Variants in ATP9B observed in about 807,000 individuals in gnomAD.
ATP9B encodes the protein ATPase phospholipid transporting 9B.
In ATP9B, 110 loss-of-function variants were observed where a neutral mutation model predicts 146.1. That is an observed-to-expected ratio of 0.75 (90% confidence interval 0.65 to 0.88). ATP9B has a LOEUF of 0.88. Among genes scored for constraint, ATP9B ranks in the 40% least tolerant of loss-of-function variants. The probability of loss-of-function intolerance (pLI) is 0.00; values close to 1 mark genes in which losing one functional copy is unlikely to be tolerated. For synonymous variants in ATP9B, 604 were observed against 569.7 expected, an observed-to-expected ratio of 1.06 and a Z score of -0.86; for missense variants, 1,499 against 1,496.4, an observed-to-expected ratio of 1.00 and a Z score of -0.03.
chr18:79,084,070 G>T (rs1465015448), intron 1 of ATP9B, among the ~76,000 whole-genome samples: 1 of 151,712 alleles, frequency 6.6e-6, no homozygotes, highest in African/African-American at 2.4e-5. Flanking sequence ...TGTTGGCCAG[G>T]ATGGTCTTGA....
intron 15 of ATP9B, among the ~76,000 whole-genome samples, chr18:79,328,830 C>T (rs1048851630): frequency 1.3e-5 from 2 of 152,098 alleles, no homozygotes; most frequent in African/African-American, 4.8e-5. Flanking sequence ...GGGTGAGCTG[C>T]GTTCTCAATT....
intron 11 of ATP9B, among the ~76,000 whole-genome samples, chr18:79,242,400 C>T (rs113753810): frequency 3.3e-5 from 5 of 152,164 alleles, no homozygotes; most frequent in African/African-American, 9.7e-5. Flanking sequence ...TAACCGCAAA[C>T]GAGAAAGATG....
intron 4 of ATP9B, among the ~76,000 whole-genome samples, chr18:79,118,081 C>A (rs1284398065): frequency 1.3e-5 from 2 of 152,074 alleles, no homozygotes; most frequent in African/African-American, 4.8e-5. Flanking sequence ...TATAAATATA[C>A]CACAACTGAT....
intron 9 of ATP9B, among the ~76,000 whole-genome samples, 189 bp from the exon 10 acceptor site, chr18:79,206,748 A>G (rs1269322353): frequency 6.6e-6 from 1 of 152,246 alleles, no homozygotes; most frequent in African/African-American, 2.4e-5. Context: ...AATTGATTAC[A>G]GGAGTTCTTT....
At chr18:79,370,301 AT>A (rs1201671021) in intron 26 of ATP9B, among the ~76,000 whole-genome samples, 2 of 152,068 alleles carry the variant, frequency 1.3e-5, no homozygotes, top group African/African-American at 2.4e-5. Flanking sequence ...ACATGCCACT[AT>A]TACTTCTATT....
At chr18:79,079,471 C>T (rs1233136899) in intron 1 of ATP9B, among the ~76,000 whole-genome samples, 4 of 152,082 alleles carry the variant, frequency 2.6e-5, no homozygotes, top group African/African-American at 4.8e-5. Context: ...CTGTTCATAT[C>T]CTTTGCTTGC....
chr18:79,336,814 A>C, intron 18 of ATP9B, 103 bp downstream of exon 18: 1 of 1,211,542 alleles, frequency 8.3e-7, no homozygotes, highest in Admixed American at 2.1e-5. Flanking sequence ...GGATCGCTAT[A>C]GTCTAGGAGT....
chr18:79,343,077 G>C (rs1258649599), intron 20 of ATP9B, among the ~76,000 whole-genome samples: 1 of 152,168 alleles, frequency 6.6e-6, no homozygotes, highest in East Asian at 1.9e-4. Flanking sequence ...GTCTGCGTCT[G>C]TTCTAAATGA....
chr18:79,318,073 A>G (rs2096691955), intron 15 of ATP9B, among the ~76,000 whole-genome samples: 1 of 152,274 alleles, frequency 6.6e-6, no homozygotes, highest in Non-Finnish European at 1.5e-5. Context: ...CATGAGTCCA[A>G]ACTGATATGA....
chr18:79,147,367 G>A (rs1473966199), intron 6 of ATP9B, among the ~76,000 whole-genome samples: 1 of 152,176 alleles, frequency 6.6e-6, no homozygotes, highest in South Asian at 2.1e-4. Flanking sequence ...ATAGACCACC[G>A]TACCTGTCAG....
chr18:79,214,626 C>T (rs1009038888), intron 11 of ATP9B, among the ~76,000 whole-genome samples: 1 of 152,074 alleles, frequency 6.6e-6, no homozygotes, highest in African/African-American at 2.4e-5. Flanking sequence ...ATCATGATAC[C>T]ATATGTGAGA....
chr18:79,376,509 C>T (rs2097104303), intron 29 of ATP9B: 1 of 632,368 alleles, frequency 1.6e-6, no homozygotes, highest in Admixed American at 6.3e-5. Flanking sequence ...CCTGCCTCAG[C>T]CTCCTGAGTA....
Position 79,110,491 on chromosome 18 carries a change from A to T in ATP9B, c.430A>T (p.Thr144Ser). 1 of 1,609,856 alleles carries T rather than the reference A, an allele frequency of 6.2e-7. No homozygotes were observed. The highest frequency in any genetic ancestry group is 1.3e-5 in the African/African-American group (1 of 74,834). ...SIKNQKYNVF[T>S]FIPGVLYEQF... Reference sequence around the variant, plus strand: ...AAAAAATCAAAAATACAATGTGTTTACCTTTATACCTGGGGTAAGACTATT... The same window carrying T: ...AAAAAATCAAAAATACAATGTGTTTTCCTTTATACCTGGGGTAAGACTATT... Residue 144 changes from threonine to serine, a missense_variant, in exon 3 of 30, where the codon ACC becomes TCC. Thr to Ser is a moderately conservative substitution (Grantham distance 58). Transcript: ENST00000426216.
Position 79,352,380 on chromosome 18 carries a change from C to T in ATP9B, c.2903+4184C>T, listed in dbSNP as rs1436476956. The T allele has an allele frequency of 3.3e-5, 5 of 152,310 alleles. No individual in the cohort carries two copies. The East Asian group carries it at 9.6e-4, about 29-fold the overall frequency. The allele number at this position is 152,310 out of a possible 1,614,324, so 9.4% of individuals were successfully genotyped here. A position where few individuals can be genotyped will look rare whatever the true frequency, so the allele number is the denominator to read the frequency against. On this transcript the variant is annotated intron_variant, in intron 25 of 29. Coordinates refer to ENST00000426216, the MANE Select transcript of ATP9B (RefSeq NM_198531.5). ...TGTCCAGACCTGCAGGAACGGGAGG[C>T]TCTGTGGGTTTATCAGAGAGGGTCT...
At chr18:79,330,797 G>T (rs1187190397) in intron 17 of ATP9B, among the ~76,000 whole-genome samples, 2 of 152,098 alleles carry the variant, frequency 1.3e-5, no homozygotes, top group East Asian at 1.9e-4. Context: ...TCCTTACAAA[G>T]AATATTTTGT....
At chr18:79,283,930 C>G (rs984330871) in intron 13 of ATP9B, among the ~76,000 whole-genome samples, 1 of 152,186 alleles carries the variant, frequency 6.6e-6, no homozygotes, top group African/African-American at 2.4e-5. Flanking sequence ...CCTATTAAAG[C>G]AATACATTAA....
intron 7 of ATP9B, among the ~76,000 whole-genome samples, chr18:79,158,978 T>C (rs970085994): frequency 1.3e-5 from 2 of 152,236 alleles, no homozygotes; most frequent in African/African-American, 2.4e-5. Flanking sequence ...CAGATTTTGA[T>C]TCATGTATTT....
At chr18:79,089,677 T>C (rs998235888) in intron 1 of ATP9B, among the ~76,000 whole-genome samples, 1 of 152,206 alleles carries the variant, frequency 6.6e-6, no homozygotes, top group Non-Finnish European at 1.5e-5. Context: ...GCGATACATA[T>C]GATGTTTTGA....
intron 15 of ATP9B, among the ~76,000 whole-genome samples, chr18:79,319,763 A>G (rs952363864): frequency 2.6e-5 from 4 of 152,214 alleles, no homozygotes; most frequent in Admixed American, 2.0e-4. Flanking sequence ...GAGGTGATGC[A>G]TGTATGTGAT....
Sources: allele counts gnomAD v4.1 joint callset (sites outside exome capture counted in the v4.1 genomes callset), GRCh38; gene constraint gnomAD v4.1.1; transcripts MANE v1.5; gene names NCBI Gene and HGNC (gene_info 2026-07-23, HGNC 2026-07-21).